The following CNBD1 variants were observed in gnomAD, a reference collection of about 807,000 sequenced individuals.
CNBD1 encodes the protein cyclic nucleotide-binding domain-containing protein 1.
CNBD1 carries 71 observed loss-of-function variants against 54.4 expected under a neutral mutation model. The ratio of observed to expected loss-of-function variants is 1.30; its 90% CI spans 1.08 to 1.59. CNBD1 has a LOEUF of 1.59. Among genes scored for constraint, CNBD1 ranks in the 40% most tolerant of loss-of-function variants. The pLI, the probability that CNBD1 is intolerant of heterozygous loss-of-function variation, is 0.00. For synonymous variants in CNBD1, 182 were observed against 170.7 expected (o/e 1.07, Z -0.51); for missense variants, 659 against 518.0 (o/e 1.27, Z -2.64).
chr8:86,957,765 C>T (rs2130461850), intron 4 of CNBD1, among the ~76,000 whole-genome samples: 1 of 152,102 alleles, frequency 6.6e-6, no homozygotes, highest in Admixed American at 6.6e-5. Context: ...TTTTGTTGAT[C>T]TTTTCAAAAA....
chr8:87,364,965 G>A (rs1810612055), intron 10 of CNBD1, among the ~76,000 whole-genome samples: 1 of 152,072 alleles, frequency 6.6e-6, no homozygotes, highest in South Asian at 2.1e-4. Flanking sequence ...CTGTGCATGT[G>A]TCTTTATAAT....
chr8:87,236,855 TA>T, intron 5 of CNBD1, 63 bp from the exon 6 acceptor site: 1 of 860,110 alleles, frequency 1.2e-6, no homozygotes, highest in Non-Finnish European at 1.8e-6. Flanking sequence ...ATATATATAT[TA>T]GTCATATCTA....
chr8:86,889,491 CT>C (rs1014238122), intron 2 of CNBD1, among the ~76,000 whole-genome samples: 21 of 151,988 alleles, frequency 1.4e-4, no homozygotes, highest in African/African-American at 3.6e-4. Context: ...CACTTTTCCC[CT>C]ATAATAAAAA....
intron 4 of CNBD1, among the ~76,000 whole-genome samples, chr8:86,983,111 CAT>C (rs1808524855): frequency 6.6e-6 from 1 of 152,096 alleles, no homozygotes; most frequent in African/African-American, 2.4e-5. Flanking sequence ...TGAATTCTCA[CAT>C]GTTATGAGAG....
intron 4 of CNBD1, among the ~76,000 whole-genome samples, chr8:87,103,534 C>A (rs116083402): frequency 6.6e-6 from 1 of 152,178 alleles, no homozygotes; most frequent in Admixed American, 6.5e-5. Flanking sequence ...AGAAAACTTA[C>A]AGTCACGGCA....
chr8:86,866,694 CTTA>C (rs1808370177), intron 1 of CNBD1, 111 bp downstream of exon 1: 4 of 763,952 alleles, frequency 5.2e-6, no homozygotes, highest in Non-Finnish European at 9.0e-6. Flanking sequence ...CATTGGGAAT[CTTA>C]TTGACAGTGC....
chr8:87,230,617 T>C (rs374081917), intron 5 of CNBD1, among the ~76,000 whole-genome samples: 6 of 152,294 alleles, frequency 3.9e-5, no homozygotes, highest in East Asian at 3.9e-4. Flanking sequence ...ATCTGCAATA[T>C]GCAGTAACAA....
chr8:87,356,894 T>C (rs1041024027), intron 10 of CNBD1, among the ~76,000 whole-genome samples: 11 of 151,900 alleles, frequency 7.2e-5, no homozygotes, highest in Non-Finnish European at 1.6e-4. Flanking sequence ...GGAAAGAATG[T>C]TTTGGGGAGC....
chr8:87,056,413 T>C (rs1810417373), intron 4 of CNBD1, among the ~76,000 whole-genome samples: 1 of 152,088 alleles, frequency 6.6e-6, no homozygotes, highest in African/African-American at 2.4e-5. Flanking sequence ...TAAATGAAAA[T>C]GTTAATAGCA....
At chr8:87,236,514 T>C (rs983090541) in intron 5 of CNBD1, among the ~76,000 whole-genome samples, 5 of 152,116 alleles carry the variant, frequency 3.3e-5, no homozygotes, top group African/African-American at 7.2e-5. Flanking sequence ...AGGTATATAT[T>C]GTTATTTATA....
At chr8:86,955,454 G>A (rs1176292289) in intron 4 of CNBD1, among the ~76,000 whole-genome samples, 1 of 152,206 alleles carries the variant, frequency 6.6e-6, no homozygotes, top group Non-Finnish European at 1.5e-5. Context: ...CACCAACAGT[G>A]TAAAAGTGTT....
chr8:87,357,679 A>T (rs974758000), intron 10 of CNBD1, among the ~76,000 whole-genome samples: 8 of 152,170 alleles, frequency 5.3e-5, no homozygotes, highest in African/African-American at 1.9e-4. Context: ...CTCAGATGGA[A>T]CTTTGGACTT....
chr8:87,392,133 A>G (rs1372300377), intron 2 of CNBD1, among the ~76,000 whole-genome samples: 1 of 152,036 alleles, frequency 6.6e-6, no homozygotes, highest in Non-Finnish European at 1.5e-5. Flanking sequence ...ATTTTGAAAA[A>G]TTATAAAATA....
chr8:87,121,195 T>TA (rs1811882173), intron 4 of CNBD1, among the ~76,000 whole-genome samples: 1 of 151,810 alleles, frequency 6.6e-6, no homozygotes, highest in South Asian at 2.1e-4. Flanking sequence ...CTTGAAAGGC[T>TA]AAATATTAAA....
intron 2 of CNBD1, among the ~76,000 whole-genome samples, chr8:87,427,097 C>A (rs552605076): frequency 6.6e-6 from 1 of 152,054 alleles, no homozygotes; most frequent in African/African-American, 2.4e-5. Flanking sequence ...AGCAGCATGA[C>A]AAGGACCTCG....
intron 8 of CNBD1, among the ~76,000 whole-genome samples, chr8:87,321,797 CT>C (rs1809540769): frequency 6.8e-6 from 1 of 146,856 alleles, no homozygotes; most frequent in Admixed American, 6.8e-5. Context: ...TTTTCTTTTT[CT>C]TTTTCTTTTT....
chr8:87,329,161 C>G (rs1165715383), intron 8 of CNBD1, among the ~76,000 whole-genome samples: 2 of 152,100 alleles, frequency 1.3e-5, no homozygotes, highest in African/African-American at 4.8e-5. Context: ...TTGTTCAGCA[C>G]TGTTCTTTGG....
chr8:87,257,369 C>CAAAAAAAAAAAAAAA (rs771338208), intron 6 of CNBD1, among the ~76,000 whole-genome samples: 15 of 67,544 alleles, frequency 2.2e-4, no homozygotes, highest in African/African-American at 5.6e-4. Context: ...AACTCTATCG[C>CAAAAAAAAAAAAAAA]AAAAAAAAAA....
At chr8:87,266,438 CTTTTT>C (rs72293236) in intron 6 of CNBD1, among the ~76,000 whole-genome samples, 4 of 50,128 alleles carry the variant, frequency 8.0e-5, no homozygotes, top group African/African-American at 3.4e-4. Context: ...AAAAAAAAAT[CTTTTT>C]TTTTTTTTTT....
Sources: gnomAD v4.1 joint callset for allele counts (sites outside exome capture counted in the v4.1 genomes callset) on GRCh38, gnomAD v4.1.1 for gene constraint, MANE v1.5 for transcripts, NCBI Gene and HGNC (gene_info 2026-07-23, HGNC 2026-07-21) for gene names.